Variants in DPP8 observed in about 807,000 individuals in gnomAD.
DPP8 encodes DPP VIII.
Under a neutral mutation model 107.5 loss-of-function variants are expected in DPP8, and 31 were observed. That is an observed-to-expected ratio of 0.29 (90% confidence interval 0.22 to 0.39). The LOEUF (loss-of-function observed/expected upper bound fraction) is 0.39. DPP8 is among the 10% of genes least tolerant of loss of function. The pLI is 1.00. For missense variants in DPP8, 842 were observed against 1,076.1 expected, an observed-to-expected ratio of 0.78 and a Z score of 3.04; for synonymous variants, 381 against 356.6, an observed-to-expected ratio of 1.07 and a Z score of -0.77.
intron 15 of DPP8, among the ~76,000 whole-genome samples, chr15:65,461,015 AC>A (rs1183536735): frequency 6.6e-6 from 1 of 152,186 alleles, no homozygotes; most frequent in Admixed American, 6.6e-5. Flanking sequence ...CTTTTTGATA[AC>A]AGCCAATCCA....
At chr15:65,473,530 G>A (rs567109886) in intron 12 of DPP8, among the ~76,000 whole-genome samples, 1 of 151,882 alleles carries the variant, frequency 6.6e-6, no homozygotes, top group East Asian at 1.9e-4. Flanking sequence ...TTAGCTTGTC[G>A]TGGTGGCGTA....
intron 11 of DPP8, chr15:65,475,499 A>G: frequency 6.7e-7 from 1 of 1,484,438 alleles, no homozygotes; most frequent in Non-Finnish European, 9.3e-7. Flanking sequence ...CACATAGGCC[A>G]TCACATGACC....
intron 19 of DPP8, among the ~76,000 whole-genome samples, chr15:65,447,909 A>G (rs1030861783): frequency 1.3e-5 from 2 of 152,180 alleles, no homozygotes; most frequent in African/African-American, 2.4e-5. Flanking sequence ...ATATTATTAT[A>G]TGTGATTTTA....
intron 12 of DPP8, among the ~76,000 whole-genome samples, chr15:65,468,127 A>G (rs768761310): frequency 1.3e-5 from 2 of 152,162 alleles, no homozygotes; most frequent in Non-Finnish European, 2.9e-5. Context: ...TTCTTCTCAA[A>G]TTACAGCACG....
chr15:65,470,048 T>G (rs1482189640), intron 12 of DPP8, among the ~76,000 whole-genome samples: 1 of 150,108 alleles, frequency 6.7e-6, no homozygotes, highest in Non-Finnish European at 1.5e-5. Flanking sequence ...AACACAAAAA[T>G]TAGCTGGGCA....
intron 11 of DPP8, 48 bp from the exon 12 acceptor site, chr15:65,474,336 G>T: frequency 7.4e-7 from 1 of 1,345,602 alleles, no homozygotes; most frequent in Non-Finnish European, 1.1e-6. Flanking sequence ...CAGACTATAA[G>T]CAAATGAAAC....
chr15:65,492,739 C>T (rs1272376167), intron 5 of DPP8, among the ~76,000 whole-genome samples: 2 of 151,892 alleles, frequency 1.3e-5, no homozygotes, highest in East Asian at 1.9e-4. Context: ...GGGACACAGG[C>T]ATATGTCACT....
chr15:65,452,995 A>C lies in DPP8; in HGVS notation c.2272-893T>G, dbSNP rs180956775. ...AAAAAATAAAATAAAATAAAATTTT[A>C]AAAAATTACTTTTCACTGTAAAGTA... On this transcript the variant is annotated intron_variant, in intron 17 of 19. Coordinates refer to ENST00000300141, the MANE Select transcript of DPP8 (RefSeq NM_130434.5). Among the ~76,000 whole-genome samples the C allele has an allele frequency of 5.5e-3, 841 of 152,306 alleles. 3 individuals are homozygous for C. Among genetic ancestry groups the C allele is most frequent in the Non-Finnish European group, 8.6e-3 (582 of 68,026 alleles).
At chr15:65,464,892 G>C (rs2065210179) in intron 14 of DPP8, among the ~76,000 whole-genome samples, 3 of 152,100 alleles carry the variant, frequency 2.0e-5, no homozygotes. Context: ...AGCTGGGTGG[G>C]GGGGTGAGGT....
At chr15:65,514,170 T>C (rs1015682331) in intron 1 of DPP8, among the ~76,000 whole-genome samples, 3 of 152,212 alleles carry the variant, frequency 2.0e-5, no homozygotes, top group East Asian at 1.9e-4. Context: ...ATGAAGTGTG[T>C]GTGCAGCTTA....
chr15:65,496,004 G>T lies in DPP8; in HGVS notation c.715+1860C>A, dbSNP rs143193504. On this transcript the variant is annotated intron_variant, in intron 5 of 19. Transcript: ENST00000300141. ...TCTTTCTTTTTTCTTTTTTTTTTTA[G>T]ACGGAGTGTCCCTCTGTCGCCCAGG... Among the ~76,000 whole-genome samples, 1,148 of 147,814 alleles carry T rather than the reference G, an allele frequency of 7.8e-3. 14 individuals carry two copies. The highest frequency in any genetic ancestry group is 0.027 in the African/African-American group (1,096 of 40,166).
chr15:65,468,765 G>A (rs920762237), intron 12 of DPP8, among the ~76,000 whole-genome samples: 1 of 152,104 alleles, frequency 6.6e-6, no homozygotes. Flanking sequence ...GACTCATTCC[G>A]TTTTGACCTA....
At position 65,495,584 on chromosome 15, in the gene DPP8, T is replaced by C. The variant is rs1178389502; in HGVS notation, c.715+2280A>G. Among the ~76,000 whole-genome samples the C allele has an allele frequency of 4.8e-5, 7 of 144,746 alleles. No individual in the cohort carries two copies. The East Asian group carries it at 6.2e-4, about 13-fold the overall frequency. 95.0% of individuals were successfully genotyped at this position (144,746 alleles called of 152,430 possible). On this transcript the variant is annotated intron_variant, in intron 5 of 19. Coordinates refer to ENST00000300141, the MANE Select transcript of DPP8 (RefSeq NM_130434.5). The stretch of plus-strand genomic sequence containing the variant: ...GCCCACTGCACTCCAGCCTGGGCAA[T>C]AGAGCGAGACTTTGTTACAAAAAAC...
chr15:65,490,505 T>G (rs2067920286), intron 5 of DPP8, among the ~76,000 whole-genome samples: 1 of 152,122 alleles, frequency 6.6e-6, no homozygotes, highest in Non-Finnish European at 1.5e-5. Context: ...CATTTGTAAA[T>G]GAGAAAAGGC....
At chr15:65,452,191 A>T in intron 17 of DPP8, 89 bp from the exon 18 acceptor site, 1 of 1,448,940 alleles carries the variant, frequency 6.9e-7, no homozygotes, top group South Asian at 1.4e-5. Context: ...TTACAGTCTA[A>T]AATTATCCTT....
At chr15:65,447,321 C>T (rs534224967) in intron 19 of DPP8, among the ~76,000 whole-genome samples, 3 of 152,292 alleles carry the variant, frequency 2.0e-5, no homozygotes, top group Admixed American at 6.5e-5. Flanking sequence ...AACACAAAGA[C>T]ATTATTTGCC....
At chr15:65,488,828 C>T (rs1185122203) in intron 6 of DPP8, among the ~76,000 whole-genome samples, 1 of 152,126 alleles carries the variant, frequency 6.6e-6, no homozygotes, top group African/African-American at 2.4e-5. Flanking sequence ...GAGTGAGATA[C>T]TTGTGAATTT....
chr15:65,488,196 T>C (rs1416164228), intron 6 of DPP8, among the ~76,000 whole-genome samples: 1 of 152,200 alleles, frequency 6.6e-6, no homozygotes, highest in Admixed American at 6.6e-5. Flanking sequence ...TTGTTTTGAA[T>C]AGTTTCTGTA....
intron 4 of DPP8, 96 bp downstream of exon 4, chr15:65,500,510 G>T: frequency 2.2e-6 from 2 of 891,860 alleles, no homozygotes; most frequent in South Asian, 1.9e-5. Context: ...TGGGTAAACT[G>T]AAGTTGCTGG....
Sources: allele counts gnomAD v4.1 joint callset (sites outside exome capture counted in the v4.1 genomes callset), GRCh38; gene constraint gnomAD v4.1.1; transcripts MANE v1.5; gene names NCBI Gene and HGNC (gene_info 2026-07-23, HGNC 2026-07-21).